STXBP6: variants seen among roughly 807,000 people sequenced by gnomAD.
STXBP6 encodes the protein syntaxin-binding protein 6.
STXBP6 carries 21 observed loss-of-function variants against 26.9 expected under a neutral mutation model. The ratio of observed to expected loss-of-function variants is 0.78; its 90% CI spans 0.55 to 1.12. The LOEUF is 1.12. Ranked by LOEUF, STXBP6 falls within the 50% of genes most tolerant of loss-of-function variation. STXBP6 has a pLI of 0.00. For synonymous variants in STXBP6, 97 were observed against 92.6 expected, an observed-to-expected ratio of 1.05 and a Z score of -0.27; for missense variants, 232 against 257.9, an observed-to-expected ratio of 0.90 and a Z score of 0.69.
At chr14:25,008,228 G>T (rs902409186) in intron 1 of STXBP6, among the ~76,000 whole-genome samples, 4 of 152,152 alleles carry the variant, frequency 2.6e-5, no homozygotes, top group Non-Finnish European at 5.9e-5. Context: ...TTTTGGCCAG[G>T]TATGGTGGCT....
chr14:24,816,748 A>G (rs2067989808), intron 5 of STXBP6: 3 of 152,024 alleles, frequency 2.0e-5, no homozygotes, highest in Admixed American at 2.0e-4. Context: ...AGATAGTATC[A>G]ACATTTAGCA....
chr14:24,812,672 G>C lies in STXBP6; in HGVS notation c.*37C>G. The C allele has an allele frequency of 6.2e-7, 1 of 1,607,834 alleles. No homozygotes were observed. The highest frequency in any genetic ancestry group is 8.5e-7 in the Non-Finnish European group (1 of 1,174,446). The stretch of plus-strand genomic sequence containing the variant: ...TAAAAACTGCTGAACAAACTCTTCA[G>C]TTTCTCTTAAGAAGAGTCACCAGGA... On this transcript the variant is annotated 3_prime_UTR_variant, in exon 6 of 6. Coordinates refer to ENST00000323944, the MANE Select transcript of STXBP6 (RefSeq NM_001394410.1).
intron 1 of STXBP6, among the ~76,000 whole-genome samples, chr14:25,031,698 T>C (rs577197450): frequency 1.3e-5 from 2 of 152,202 alleles, no homozygotes; most frequent in South Asian, 4.1e-4. Flanking sequence ...GAAGAATGGC[T>C]GTATGTATCT....
chr14:24,925,435 A>T (rs189780982), intron 2 of STXBP6, among the ~76,000 whole-genome samples: 1 of 152,202 alleles, frequency 6.6e-6, no homozygotes, highest in Non-Finnish European at 1.5e-5. Flanking sequence ...TAAAATAACA[A>T]TGCCAGAAAA....
intron 2 of STXBP6, among the ~76,000 whole-genome samples, chr14:24,973,379 CTTTTTTT>C (rs1057437135): frequency 1.3e-5 from 1 of 76,810 alleles, no homozygotes. Context: ...AGCTTTCTTC[CTTTTTTT>C]TTTTTTTTTT....
chr14:24,876,263 C>G (rs1423004087), intron 2 of STXBP6, among the ~76,000 whole-genome samples: 1 of 152,162 alleles, frequency 6.6e-6, no homozygotes, highest in Non-Finnish European at 1.5e-5. Flanking sequence ...TTGCCTTGAC[C>G]TGGGATGAAT....
intron 2 of STXBP6, among the ~76,000 whole-genome samples, chr14:24,860,779 AGAAAG>A (rs1447971513): frequency 6.6e-6 from 1 of 151,926 alleles, no homozygotes; most frequent in African/African-American, 2.4e-5. Flanking sequence ...AAAGTAAAAA[AGAAAG>A]GAAAGAAGAA....
intron 1 of STXBP6, among the ~76,000 whole-genome samples, chr14:24,987,315 T>C (rs1853958331): frequency 6.6e-6 from 1 of 152,240 alleles, no homozygotes; most frequent in African/African-American, 2.4e-5. Context: ...AGCCTGTCTT[T>C]GCCTTTACTC....
At chr14:24,960,540 C>T (rs1050379867) in intron 2 of STXBP6, among the ~76,000 whole-genome samples, 2 of 152,002 alleles carry the variant, frequency 1.3e-5, no homozygotes, top group Non-Finnish European at 2.9e-5. Flanking sequence ...ATTTTATTCT[C>T]CTAACCCAAT....
chr14:24,954,469 C>A (rs149455686), intron 2 of STXBP6, among the ~76,000 whole-genome samples: 1 of 152,310 alleles, frequency 6.6e-6, no homozygotes, highest in East Asian at 1.9e-4. Flanking sequence ...GTGGTGTAAA[C>A]ACTCTTCCAC....
intron 2 of STXBP6, among the ~76,000 whole-genome samples, chr14:24,944,822 G>C (rs2072924762): frequency 6.6e-6 from 1 of 151,996 alleles, no homozygotes; most frequent in African/African-American, 2.4e-5. Flanking sequence ...AGAGCTTCTA[G>C]GTCATTACAT....
intron 1 of STXBP6, among the ~76,000 whole-genome samples, chr14:24,997,770 T>A (rs2074642436): frequency 6.6e-6 from 1 of 152,208 alleles, no homozygotes; most frequent in Admixed American, 6.5e-5. Flanking sequence ...CTAGACTTCT[T>A]CCTATGAATA....
chr14:24,959,850 G>A (rs2073470710), intron 2 of STXBP6, among the ~76,000 whole-genome samples: 1 of 152,190 alleles, frequency 6.6e-6, no homozygotes, highest in African/African-American at 2.4e-5. Context: ...AGGAAATGTA[G>A]GTTTCCCTTT....
intron 1 of STXBP6, among the ~76,000 whole-genome samples, chr14:25,030,276 C>A (rs1732963596): frequency 6.6e-6 from 1 of 152,190 alleles, no homozygotes; most frequent in Non-Finnish European, 1.5e-5. Flanking sequence ...GCATCCAGGA[C>A]AGTACCCCAT....
chr14:24,983,644 A>T (rs750251091), intron 1 of STXBP6, among the ~76,000 whole-genome samples: 2 of 152,220 alleles, frequency 1.3e-5, no homozygotes, highest in Non-Finnish European at 2.9e-5. Flanking sequence ...AAAGAAAACA[A>T]GAAGATGTGT....
intron 4 of STXBP6, among the ~76,000 whole-genome samples, chr14:24,832,036 T>TA (rs1013107963): frequency 3.3e-5 from 5 of 151,918 alleles, no homozygotes; most frequent in East Asian, 1.9e-4. Flanking sequence ...TCTCTAAAAT[T>TA]AAAAAAAATA....
chr14:24,844,681 A>G (rs940395326), intron 4 of STXBP6, among the ~76,000 whole-genome samples: 14 of 152,312 alleles, frequency 9.2e-5, no homozygotes, highest in African/African-American at 3.4e-4. Context: ...GGGATTACAT[A>G]CCCTAAGTGA....
Position 24,939,653 on chromosome 14 carries a change from C to T in STXBP6, c.154+35012G>A, listed in dbSNP as rs144658146. 2.3e-3 allele frequency among the ~76,000 whole-genome samples: 352 copies of T among 152,266 alleles called. 6 individuals carry two copies. Among genetic ancestry groups the T allele is most frequent in the African/African-American group, 8.1e-3 (338 of 41,568 alleles). On this transcript the variant is annotated intron_variant, in intron 2 of 5. Transcript: ENST00000323944. ...TTGAAACTCTGTGATTCTAGACCAT[C>T]GCTGTCCAATAGAAACAAAATGTGG...
At chr14:25,024,971 A>G (rs531574877) in intron 1 of STXBP6, among the ~76,000 whole-genome samples, 70 of 152,322 alleles carry the variant, frequency 4.6e-4, no homozygotes, top group African/African-American at 1.6e-3. Context: ...CCACATGGAA[A>G]GGTGCCATAT....
Sources: allele counts gnomAD v4.1 joint callset (sites outside exome capture counted in the v4.1 genomes callset), GRCh38; gene constraint gnomAD v4.1.1; transcripts MANE v1.5; gene names NCBI Gene and HGNC (gene_info 2026-07-23, HGNC 2026-07-21).